The following KIAA1328 variants were observed in gnomAD, a reference collection of about 807,000 sequenced individuals.
The protein encoded by KIAA1328 is KIAA1328.
KIAA1328 carries 52 observed loss-of-function variants against 68.1 expected under a neutral mutation model. The ratio of observed to expected loss-of-function variants is 0.76; its 90% confidence interval spans 0.61 to 0.96. KIAA1328 has a LOEUF of 0.96. KIAA1328 is among the 40% of genes least tolerant of loss of function. The pLI is 0.00. For synonymous variants in KIAA1328, 232 were observed against 239.4 expected, an observed-to-expected ratio of 0.97 and a Z score of 0.28; for missense variants, 641 against 677.6, an observed-to-expected ratio of 0.95 and a Z score of 0.60.
In KIAA1328 at chr18:37,183,256, C is replaced by T. The variant is rs145984452; in HGVS notation, c.1523+10175C>T. ...ATTTTGTCCTCATAATTAGCCATTT[C>T]ATAAGATTCTGAAAGGATTTAATTC... On this transcript the variant is annotated intron_variant, in intron 9 of 9. Coordinates refer to ENST00000280020, the MANE Select transcript of KIAA1328 (RefSeq NM_020776.3). Among the ~76,000 whole-genome samples, 171 of 152,220 alleles carry T rather than the reference C, an allele frequency of 1.1e-3. 1 individual carries two copies. Among genetic ancestry groups the T allele is most frequent in the African/African-American group, 4.0e-3 (164 of 41,518 alleles).
chr18:36,911,706 A>G (rs993649768), intron 5 of KIAA1328, among the ~76,000 whole-genome samples: 1 of 152,162 alleles, frequency 6.6e-6, no homozygotes, highest in Non-Finnish European at 1.5e-5. Context: ...GCAAGTATAT[A>G]TTCCTTTTTA....
chr18:37,059,022 G>T (rs1421657739), intron 6 of KIAA1328, among the ~76,000 whole-genome samples: 4 of 147,210 alleles, frequency 2.7e-5, no homozygotes, highest in Non-Finnish European at 4.5e-5. Flanking sequence ...AAGAAGTTGG[G>T]TTTTTTTTTT....
intron 7 of KIAA1328, among the ~76,000 whole-genome samples, chr18:37,109,519 AT>A (rs1170415747): frequency 6.6e-6 from 1 of 152,040 alleles, no homozygotes; most frequent in African/African-American, 2.4e-5. Context: ...CAATTCATAG[AT>A]TTTTTTCAGG....
intron 5 of KIAA1328, among the ~76,000 whole-genome samples, chr18:36,934,717 A>T (rs2050439165): frequency 6.6e-6 from 1 of 151,778 alleles, no homozygotes; most frequent in Non-Finnish European, 1.5e-5. Context: ...CTTTCTTTTC[A>T]TATTACCATT....
chr18:37,067,337 TG>T lies in KIAA1328; in HGVS notation c.1027del (p.Ala343HisfsTer16). On this transcript the variant is annotated frameshift_variant, in exon 7 of 10. Transcript: ENST00000280020. LOFTEE classifies it high-confidence loss of function. ...PESCSYCRLSWASLVHGGGAL... is the reference protein window; with the variant it reads ...PESCSYCRLSXASLVHGGGAL... ...ATCATGCAGTTATTGTCGGCTTTCT[TG>T]GGCATCTCTGGTGCATGGTGGTGGG... The T allele has an allele frequency of 6.2e-7, 1 of 1,613,974 alleles. No homozygotes were observed. The highest frequency in any genetic ancestry group is 8.5e-7 in the Non-Finnish European group (1 of 1,179,886).
intron 9 of KIAA1328, among the ~76,000 whole-genome samples, chr18:37,210,655 C>T (rs1361564451): frequency 6.6e-6 from 1 of 152,178 alleles, no homozygotes; most frequent in Non-Finnish European, 1.5e-5. Context: ...TCACATGTCT[C>T]CTTAGCAGAG....
rs529141249 is a variant in KIAA1328 at position 36,982,565 on chromosome 18, A to G, written c.576+23130A>G. The stretch of plus-strand genomic sequence containing the variant: ...AAAAAAACTTTAAAAGCCAAAATCA[A>G]GGTAGAGATTTTCAGACATATAGAA... On this transcript the variant is annotated intron_variant, in intron 6 of 9. Transcript: ENST00000280020. Among the ~76,000 whole-genome samples, 19 of 152,150 alleles carry G rather than the reference A, an allele frequency of 1.2e-4. 1 individual carries two copies. In the East Asian group the frequency reaches 2.1e-3, roughly 17 times the overall value.
chr18:37,196,181 G>A (rs570265426), intron 9 of KIAA1328, among the ~76,000 whole-genome samples: 1 of 152,252 alleles, frequency 6.6e-6, no homozygotes, highest in South Asian at 2.1e-4. Context: ...AATTCTAAGA[G>A]TTTTTGGTGA....
In KIAA1328 at chr18:36,915,386, G is replaced by GAA. The variant is rs60011164; in HGVS notation, c.448+29720_448+29721dup. Among the ~76,000 whole-genome samples, 3 of 152,106 alleles carry GAA rather than the reference G, an allele frequency of 2.0e-5. No homozygotes were observed. In the East Asian group the frequency reaches 5.8e-4, roughly 29 times the overall value. ...GAAAGATACTGTTAAAGAGAATGGG[G>GAA]AAAAAAACTATTCTCCCGTAGGTTG... On this transcript the variant is annotated intron_variant, in intron 5 of 9. Transcript: ENST00000280020.
At chr18:37,160,129 G>A (rs542098977) in intron 7 of KIAA1328, 71 bp from the exon 8 acceptor site, 10 of 1,245,672 alleles carry the variant, frequency 8.0e-6, no homozygotes, top group South Asian at 3.4e-5. Context: ...AACCCATACT[G>A]AATTTAAATA....
intron 5 of KIAA1328, among the ~76,000 whole-genome samples, chr18:36,944,506 G>A (rs1206917554): frequency 6.6e-6 from 1 of 152,124 alleles, no homozygotes; most frequent in Non-Finnish European, 1.5e-5. Context: ...GTGAACCCGG[G>A]AGGCGGAGCT....
At chr18:37,102,553 C>G (rs536867892) in intron 7 of KIAA1328, among the ~76,000 whole-genome samples, 1 of 152,200 alleles carries the variant, frequency 6.6e-6, no homozygotes, top group East Asian at 1.9e-4. Context: ...AAACCCTCAA[C>G]AAATTAAGCA....
chr18:36,949,968 C>G (rs1198021543), intron 5 of KIAA1328, among the ~76,000 whole-genome samples: 3 of 152,216 alleles, frequency 2.0e-5, no homozygotes, highest in Non-Finnish European at 4.4e-5. Flanking sequence ...TGCTCTTGCA[C>G]AGATCACAGC....
At chr18:36,963,469 T>C (rs2051784361) in intron 6 of KIAA1328, among the ~76,000 whole-genome samples, 1 of 152,226 alleles carries the variant, frequency 6.6e-6, no homozygotes, top group Non-Finnish European at 1.5e-5. Flanking sequence ...AGTGAAGAAA[T>C]AGTCACCAGG....
At chr18:36,884,492 A>G (rs2048431459) in intron 4 of KIAA1328, among the ~76,000 whole-genome samples, 1 of 152,206 alleles carries the variant, frequency 6.6e-6, no homozygotes, top group Non-Finnish European at 1.5e-5. Flanking sequence ...ACTCTTGAAC[A>G]TTCATGATTC....
chr18:36,902,650 A>G (rs1433992011), intron 5 of KIAA1328, among the ~76,000 whole-genome samples: 1 of 152,124 alleles, frequency 6.6e-6, no homozygotes, highest in Non-Finnish European at 1.5e-5. Flanking sequence ...TCCATAAGAT[A>G]TCAAACAATT....
At chr18:37,104,042 A>G (rs2057701019) in intron 7 of KIAA1328, among the ~76,000 whole-genome samples, 1 of 152,214 alleles carries the variant, frequency 6.6e-6, no homozygotes. Context: ...AATGTAGAGA[A>G]AAGGGAACTC....
intron 4 of KIAA1328, among the ~76,000 whole-genome samples, chr18:36,867,544 C>T (rs2047796163): frequency 1.3e-5 from 2 of 152,190 alleles, no homozygotes; most frequent in Admixed American, 1.3e-4. Context: ...AAAGTCAAAG[C>T]AAAAACTATA....
chr18:36,846,318 A>G (rs946460615), intron 4 of KIAA1328, among the ~76,000 whole-genome samples: 1 of 151,556 alleles, frequency 6.6e-6, no homozygotes, highest in South Asian at 2.1e-4. Context: ...CTTTCACTAT[A>G]TATTTCCCCC....
Sources: gnomAD v4.1 joint callset for allele counts (sites outside exome capture counted in the v4.1 genomes callset) on GRCh38, gnomAD v4.1.1 for gene constraint, MANE v1.5 for transcripts, NCBI Gene and HGNC (gene_info 2026-07-23, HGNC 2026-07-21) for gene names.